Variants in TBC1D22A observed in about 807,000 individuals in gnomAD.
TBC1D22A encodes the protein TBC1 domain family member 22A.
In TBC1D22A, 38 loss-of-function variants were observed where a neutral mutation model predicts 60.2. The observed-to-expected ratio is 0.63, with a 90% CI of 0.49 to 0.83. The LOEUF is 0.83. TBC1D22A is among the 40% of genes least tolerant of loss of function. The pLI is 0.00. For missense variants in TBC1D22A, 628 were observed against 701.0 expected, an observed-to-expected ratio of 0.90 and a Z score of 1.18; for synonymous variants, 302 against 281.7, an observed-to-expected ratio of 1.07 and a Z score of -0.72.
chr22:47,138,314 G>A (rs2066951044), intron 12 of TBC1D22A, among the ~76,000 whole-genome samples: 1 of 152,188 alleles, frequency 6.6e-6, no homozygotes, highest in Non-Finnish European at 1.5e-5. Flanking sequence ...TCGGCCTCTG[G>A]GGGACAGGGA....
At chr22:46,826,659 G>T (rs1019785237) in intron 4 of TBC1D22A, among the ~76,000 whole-genome samples, 9 of 152,166 alleles carry the variant, frequency 5.9e-5, no homozygotes, top group Admixed American at 6.5e-5. Flanking sequence ...GGGCCAGCCT[G>T]GGTGGAAGCG....
intron 9 of TBC1D22A, among the ~76,000 whole-genome samples, chr22:46,980,547 T>C (rs1465243329): frequency 2.0e-5 from 3 of 152,200 alleles, no homozygotes; most frequent in African/African-American, 7.2e-5. Context: ...GTCACTGAAA[T>C]TTAAAACTCA....
Position 47,088,681 on chromosome 22 carries a change from C to G in TBC1D22A, c.1330-22827C>G, listed in dbSNP as rs139792462. Among the ~76,000 whole-genome samples the G allele has an allele frequency of 7.3e-3, 1,106 of 152,192 alleles. 12 individuals carry two copies. Among genetic ancestry groups the G allele is most frequent in the African/African-American group, 0.025 (1,056 of 41,516 alleles). ...GCAGTGAAAGAATTGCAGTGTCACC[C>G]TAATGAAATGAGTCAAGCCAGTGCT... is the stretch of plus-strand genomic sequence containing the variant. On this transcript the variant is annotated intron_variant, in intron 11 of 12. Coordinates refer to ENST00000337137, the MANE Select transcript of TBC1D22A (RefSeq NM_014346.5).
intron 10 of TBC1D22A, among the ~76,000 whole-genome samples, chr22:47,022,274 T>A (rs747634253): frequency 7.9e-5 from 12 of 152,034 alleles, no homozygotes; most frequent in South Asian, 2.1e-4. Flanking sequence ...TGGAAAAAAA[T>A]ATGTGAAACA....
rs1401512552 is a variant in TBC1D22A at position 46,988,754 on chromosome 22, T to G, written c.1126-8880T>G. ...TACTGAGCATGCTTCTTAAGGGTCC[T>G]AGGATTTTCAGAATGGTAAATGAGC... is the stretch of plus-strand genomic sequence containing the variant. On this transcript the variant is annotated intron_variant, in intron 9 of 12. Transcript: ENST00000337137. Among the ~76,000 whole-genome samples, 2 of 152,252 alleles carry G rather than the reference T, an allele frequency of 1.3e-5. 1 individual carries two copies. The highest frequency in any genetic ancestry group is 4.8e-5 in the African/African-American group (2 of 41,464).
intron 5 of TBC1D22A, 85 bp downstream of exon 5, chr22:46,878,808 A>G (rs2067702620): frequency 1.3e-5 from 17 of 1,318,182 alleles, no homozygotes; most frequent in Non-Finnish European, 1.7e-5. Context: ...CCTGACAGCC[A>G]CAGCCCACGG....
chr22:46,800,946 C>A (rs1369454121), intron 4 of TBC1D22A, among the ~76,000 whole-genome samples: 1 of 152,136 alleles, frequency 6.6e-6, no homozygotes, highest in East Asian at 1.9e-4. Context: ...TGTGCTGGGT[C>A]AGGCTCTGAG....
chr22:46,813,939 T>C (rs1356068794), intron 4 of TBC1D22A, among the ~76,000 whole-genome samples: 1 of 152,166 alleles, frequency 6.6e-6, no homozygotes, highest in Admixed American at 6.5e-5. Context: ...CTGAATCTCT[T>C]TGTCAGACAT....
chr22:46,874,612 C>T (rs985125408), intron 4 of TBC1D22A, among the ~76,000 whole-genome samples: 1 of 133,522 alleles, frequency 7.5e-6, no homozygotes, highest in East Asian at 2.1e-4. Flanking sequence ...TCTTACTCTG[C>T]ACCCAGGCTG....
intron 8 of TBC1D22A, among the ~76,000 whole-genome samples, chr22:46,941,608 G>A (rs1419289790): frequency 5.0e-4 from 65 of 129,858 alleles, no homozygotes; most frequent in East Asian, 1.1e-3. Context: ...ATATATATAC[G>A]CGGAATATAT....
chr22:46,858,659 G>A (rs530084401), intron 4 of TBC1D22A, among the ~76,000 whole-genome samples: 1 of 152,350 alleles, frequency 6.6e-6, no homozygotes, highest in Non-Finnish European at 1.5e-5. Flanking sequence ...GTGGACCGAG[G>A]GGGAGCGCTG....
intron 1 of TBC1D22A, chr22:46,774,109 C>G (rs1266765192): frequency 2.0e-6 from 2 of 985,532 alleles, no homozygotes; most frequent in African/African-American, 3.5e-5. Context: ...TGTTTGAACT[C>G]AGGCTGCTGC....
At chr22:46,815,306 C>T (rs921176294) in intron 4 of TBC1D22A, among the ~76,000 whole-genome samples, 9 of 152,216 alleles carry the variant, frequency 5.9e-5, no homozygotes, top group African/African-American at 1.9e-4. Context: ...CTTGTCCCTG[C>T]GGTTCCCTGC....
At chr22:46,901,043 G>A (rs1026549275) in intron 7 of TBC1D22A, among the ~76,000 whole-genome samples, 6 of 152,268 alleles carry the variant, frequency 3.9e-5, no homozygotes, top group Non-Finnish European at 7.4e-5. Context: ...TCCCATCTGA[G>A]ATATGTTTTT....
In TBC1D22A at chr22:46,990,614, C is replaced by T. The variant is rs909537512; in HGVS notation, c.1126-7020C>T. 6.6e-6 allele frequency among the ~76,000 whole-genome samples: 1 copy of T among 152,068 alleles called. No individual in the cohort carries two copies. The highest frequency in any genetic ancestry group is 1.9e-4 in the East Asian group (1 of 5,194). ...CCACCAAGAAAGTGTCGCACAGTGTCGTCCCCTGCCCTGAACACCCTCGTG... is the reference window on the plus strand; with the variant it reads ...CCACCAAGAAAGTGTCGCACAGTGTTGTCCCCTGCCCTGAACACCCTCGTG... On this transcript the variant is annotated intron_variant, in intron 9 of 12. Coordinates refer to ENST00000337137, the MANE Select transcript of TBC1D22A (RefSeq NM_014346.5). The surrounding 1 kb of genome is among the most constrained non-coding windows in gnomAD (Gnocchi z 4.6).
At chr22:46,856,306 C>A (rs908475461) in intron 4 of TBC1D22A, among the ~76,000 whole-genome samples, 2 of 152,168 alleles carry the variant, frequency 1.3e-5, no homozygotes, top group African/African-American at 4.8e-5. Flanking sequence ...ATTGACTCTA[C>A]CTGTTAAGAA....
intron 4 of TBC1D22A, among the ~76,000 whole-genome samples, chr22:46,815,038 T>C (rs2085535343): frequency 6.6e-6 from 1 of 152,254 alleles, no homozygotes; most frequent in South Asian, 2.1e-4. Flanking sequence ...ATAATAGTTA[T>C]CAAAATACAT....
At chr22:47,075,780 ATG>A (rs1603239485) in intron 11 of TBC1D22A, among the ~76,000 whole-genome samples, 2 of 152,158 alleles carry the variant, frequency 1.3e-5, no homozygotes, top group African/African-American at 4.8e-5. Context: ...AAATCCAACT[ATG>A]TGGTATTCAT....
chr22:46,934,659 G>A (rs1475280353), intron 8 of TBC1D22A, among the ~76,000 whole-genome samples: 3 of 152,186 alleles, frequency 2.0e-5, no homozygotes, highest in Non-Finnish European at 2.9e-5. Context: ...GGTGAGGCGC[G>A]TCCATGCTCT....
Sources: gnomAD v4.1 joint callset for allele counts (sites outside exome capture counted in the v4.1 genomes callset) on GRCh38, gnomAD v4.1.1 for gene constraint, Gnocchi (gnomAD v3.1) non-coding constraint, MANE v1.5 for transcripts, NCBI Gene and HGNC (gene_info 2026-07-23, HGNC 2026-07-21) for gene names.